The following NPAS2 variants were observed in gnomAD, a reference collection of about 807,000 sequenced individuals.
The protein encoded by NPAS2 is neuronal PAS domain-containing protein 2.
A neutral mutation model predicts 107.5 loss-of-function variants in NPAS2; 23 were observed. The observed-to-expected ratio is 0.21, with a 90% CI of 0.15 to 0.30. NPAS2 has a LOEUF of 0.30. NPAS2 is among the 10% of genes least tolerant of loss of function. The pLI is 1.00. For missense variants in NPAS2, 756 were observed against 1,043.3 expected (o/e 0.72, Z 3.79); for synonymous variants, 403 against 417.5 (o/e 0.97, Z 0.42).
chr2:100,959,331 C>T (rs1675788371), intron 7 of NPAS2, among the ~76,000 whole-genome samples: 1 of 151,978 alleles, frequency 6.6e-6, no homozygotes, highest in Admixed American at 6.6e-5. Flanking sequence ...TTTTCTCCAA[C>T]ATTGCTCTTC....
At chr2:100,945,741 G>A (rs1367303712) in intron 5 of NPAS2, among the ~76,000 whole-genome samples, 1 of 152,152 alleles carries the variant, frequency 6.6e-6, no homozygotes, top group Non-Finnish European at 1.5e-5. Context: ...CCCCTGGCTG[G>A]AGCACCTTCC....
chr2:100,828,632 G>T (rs536755216), intron 1 of NPAS2, among the ~76,000 whole-genome samples: 1 of 150,752 alleles, frequency 6.6e-6, no homozygotes, highest in African/African-American at 2.5e-5. Flanking sequence ...AAATATCCTA[G>T]CCCCATTTAC....
chr2:100,890,540 C>T (rs1680985500), intron 1 of NPAS2, among the ~76,000 whole-genome samples: 1 of 152,026 alleles, frequency 6.6e-6, no homozygotes, highest in Non-Finnish European at 1.5e-5. Flanking sequence ...GGCCCAAATA[C>T]AGTGAGGAGC....
intron 1 of NPAS2, among the ~76,000 whole-genome samples, chr2:100,882,567 C>T (rs1324237838): frequency 3.3e-5 from 5 of 152,180 alleles, no homozygotes; most frequent in East Asian, 1.9e-4. Context: ...GAGCCGAGAT[C>T]GCACCACTGC....
At chr2:100,858,605 C>T (rs1678732301) in intron 1 of NPAS2, among the ~76,000 whole-genome samples, 1 of 151,938 alleles carries the variant, frequency 6.6e-6, no homozygotes, top group Non-Finnish European at 1.5e-5. Context: ...CAGAAGGTGG[C>T]GGGGAGTTCC....
intron 1 of NPAS2, chr2:100,821,300 A>G (rs13390078): frequency 0.21 from 220,283 of 1,030,940 alleles, 31,601 homozygotes; most frequent in African/African-American, 0.63. Context: ...GCACTTCCAC[A>G]AAGTCTAAAC....
At chr2:100,914,632 C>T (rs1682759656) in intron 2 of NPAS2, among the ~76,000 whole-genome samples, 1 of 152,190 alleles carries the variant, frequency 6.6e-6, no homozygotes, top group South Asian at 2.1e-4. Flanking sequence ...ACCCCATACG[C>T]TTTTCTGCAA....
At chr2:100,911,879 G>A (rs1375388898) in intron 2 of NPAS2, among the ~76,000 whole-genome samples, 5 of 152,144 alleles carry the variant, frequency 3.3e-5, no homozygotes, top group Non-Finnish European at 1.5e-5. Flanking sequence ...TGATCCACCA[G>A]CCTTGGCCTC....
rs984595353 is a variant in NPAS2, at chr2:100,882,406, G to A, written c.-22-22327G>A. Among the ~76,000 whole-genome samples the A allele has an allele frequency of 3.9e-5, 6 of 152,134 alleles. No individual in the cohort carries two copies. In the East Asian group the frequency reaches 5.8e-4, roughly 15 times the overall value. On this transcript the variant is annotated intron_variant, in intron 1 of 20. Coordinates refer to ENST00000335681, the MANE Select transcript of NPAS2 (RefSeq NM_002518.4). ...GGGCGGATCACAAGGTCAGGAGTTC[G>A]AGACCATCCTGGCTAACACAGTGAA...
chr2:100,984,345 T>C (rs1677652130), intron 16 of NPAS2: 1 of 152,182 alleles, frequency 6.6e-6, no homozygotes, highest in Non-Finnish European at 1.5e-5. Flanking sequence ...GTGTGAAGAA[T>C]AAGCAAGTAG....
intron 1 of NPAS2, among the ~76,000 whole-genome samples, chr2:100,837,721 A>G (rs918096477): frequency 6.6e-6 from 1 of 152,224 alleles, no homozygotes; most frequent in African/African-American, 2.4e-5. Flanking sequence ...TTGAAGATAA[A>G]TGGAGTTTTC....
chr2:100,949,539 G>T, intron 7 of NPAS2, 59 bp downstream of exon 7: 1 of 1,005,668 alleles, frequency 9.9e-7, no homozygotes, highest in Non-Finnish European at 1.6e-6. Context: ...ACGTGCACAT[G>T]GGGGCATTAA....
chr2:100,902,575 C>A (rs974212442), intron 1 of NPAS2, among the ~76,000 whole-genome samples: 1 of 152,128 alleles, frequency 6.6e-6, no homozygotes, highest in Admixed American at 6.5e-5. Context: ...ATGGGGACTT[C>A]TTGTTGAATG....
chr2:100,852,162 C>T (rs920510246), intron 1 of NPAS2, among the ~76,000 whole-genome samples: 26 of 152,140 alleles, frequency 1.7e-4, no homozygotes, highest in Middle Eastern at 6.8e-3. Context: ...TTTGGGAGGT[C>T]AAGGCGGGCG....
At chr2:100,931,011 C>T (rs1406949631) in intron 3 of NPAS2, among the ~76,000 whole-genome samples, 1 of 152,218 alleles carries the variant, frequency 6.6e-6, no homozygotes, top group Non-Finnish European at 1.5e-5. Flanking sequence ...AGTGGTCGAA[C>T]TGTGGCAACC....
intron 2 of NPAS2, among the ~76,000 whole-genome samples, chr2:100,908,931 A>G (rs1682347169): frequency 6.6e-6 from 1 of 152,234 alleles, no homozygotes; most frequent in African/African-American, 2.4e-5. Context: ...AAACAATTTT[A>G]TGATTCTTTG....
Position 100,968,678 on chromosome 2 carries a change from C to T in NPAS2, c.1055+250C>T, listed in dbSNP as rs780846918. On this transcript the variant is annotated intron_variant, in intron 11 of 20. Transcript: ENST00000335681. This position sits in a 1 kb window ranked among gnomAD's most constrained non-coding sequence, Gnocchi z 5.3. Reference sequence around the variant, plus strand: ...AAGCTCTCAGTCAGGCCCCTTTGAACGCCTCATGGACTCTCGCAGGCTGCC... The same window carrying T: ...AAGCTCTCAGTCAGGCCCCTTTGAATGCCTCATGGACTCTCGCAGGCTGCC... Among the ~76,000 whole-genome samples the T allele has an allele frequency of 6.6e-5, 10 of 152,262 alleles. No homozygotes were observed. The highest frequency in any genetic ancestry group is 8.8e-5 in the Non-Finnish European group (6 of 68,018).
chr2:100,847,462 C>T (rs533601331), intron 1 of NPAS2, among the ~76,000 whole-genome samples: 11 of 152,250 alleles, frequency 7.2e-5, no homozygotes, highest in South Asian at 2.1e-4. Flanking sequence ...CTCCGCCTCC[C>T]GGGTTCACAC....
chr2:100,932,174 ATTATC>A (rs1684001953), intron 3 of NPAS2, among the ~76,000 whole-genome samples: 1 of 152,242 alleles, frequency 6.6e-6, no homozygotes, highest in African/African-American at 2.4e-5. Flanking sequence ...GCCACCTATA[ATTATC>A]TTATCAGAAA....
Sources: allele counts gnomAD v4.1 joint callset (sites outside exome capture counted in the v4.1 genomes callset), GRCh38; gene constraint gnomAD v4.1.1; non-coding constraint Gnocchi (gnomAD v3.1); transcripts MANE v1.5; gene names NCBI Gene and HGNC (gene_info 2026-07-23, HGNC 2026-07-21).